PHACTR2: variants seen among roughly 807,000 people sequenced by gnomAD.
The protein encoded by PHACTR2 is chromosome 6 open reading frame 56.
Under a neutral mutation model 76.0 loss-of-function variants are expected in PHACTR2, and 30 were observed. The observed-to-expected ratio is 0.39, with a 90% CI of 0.30 to 0.54. The LOEUF (loss-of-function observed/expected upper bound fraction) is 0.54. PHACTR2 is among the 20% of genes least tolerant of loss of function. The pLI, the probability that PHACTR2 is intolerant of heterozygous loss-of-function variation, is 0.61. For synonymous variants in PHACTR2, 292 were observed against 292.5 expected, an observed-to-expected ratio of 1.00 and a Z score of 0.02; for missense variants, 696 against 781.1, an observed-to-expected ratio of 0.89 and a Z score of 1.30.
At chr6:143,740,284 T>A (rs1778910033) in intron 2 of PHACTR2, among the ~76,000 whole-genome samples, 1 of 152,070 alleles carries the variant, frequency 6.6e-6, no homozygotes. Flanking sequence ...TTTAGCTGGC[T>A]TCTTTATTGC....
chr6:143,780,195 C>T lies in PHACTR2; in HGVS notation c.1645+2812C>T, dbSNP rs1440593695. Among the ~76,000 whole-genome samples the T allele has an allele frequency of 6.6e-6, 1 of 151,884 alleles. No homozygotes were observed. Among genetic ancestry groups the T allele is most frequent in the Non-Finnish European group, 1.5e-5 (1 of 68,004 alleles). On this transcript the variant is annotated intron_variant, in intron 9 of 12. Transcript: ENST00000440869. The surrounding 1 kb of genome is among the most constrained non-coding windows in gnomAD (Gnocchi z 4.4). ...AGTTGGAGGAATTTTACAGTAAATC[C>T]GCATATATCTACCATCTATAGTCTG...
rs191088692 is a variant in PHACTR2 at position 143,633,531 on chromosome 6, T to C, written c.13+25209T>C. On this transcript the variant is annotated intron_variant, in intron 1 of 11. Coordinates refer to the PHACTR2 transcript ENST00000305766. This position sits in a 1 kb window ranked among gnomAD's most constrained non-coding sequence, Gnocchi z 4.1. ...ATTGTTGTGCTTGAAGAGTTTATAT[T>C]TTGGGTAACCATCATTTATCAGATA... is the stretch of plus-strand genomic sequence containing the variant. 6.6e-6 allele frequency among the ~76,000 whole-genome samples: 1 copy of C among 152,358 alleles called. No homozygotes were observed. The highest frequency in any genetic ancestry group is 2.4e-5 in the African/African-American group (1 of 41,592).
At position 143,739,172 on chromosome 6, in the gene PHACTR2, C is replaced by A. The variant is rs574552688; in HGVS notation, c.215-9813C>A. ...CTCCGCCTCCCGGGTTCACTCCGTT[C>A]TCCTGCCTCAGCCTCCCAAGTAGCT... On this transcript the variant is annotated intron_variant, in intron 2 of 12. Transcript: ENST00000440869. This position sits in a 1 kb window ranked among gnomAD's most constrained non-coding sequence, Gnocchi z 4.3. Among the ~76,000 whole-genome samples, 20 of 152,320 alleles carry A rather than the reference C, an allele frequency of 1.3e-4. No homozygotes were observed. Among genetic ancestry groups the A allele is most frequent in the African/African-American group, 4.6e-4 (19 of 41,564 alleles).
chr6:143,720,598 C>T (rs569125585), intron 2 of PHACTR2, among the ~76,000 whole-genome samples: 3 of 152,192 alleles, frequency 2.0e-5, no homozygotes, highest in African/African-American at 7.2e-5. Flanking sequence ...ATTCACGAAC[C>T]TCATGGTTGT....
intron 1 of PHACTR2, among the ~76,000 whole-genome samples, chr6:143,707,319 A>G (rs528720070): frequency 3.3e-5 from 5 of 152,348 alleles, no homozygotes; most frequent in Non-Finnish European, 5.9e-5. Context: ...TATTTTTGCT[A>G]TGATTGGGCT....
Position 143,710,705 on chromosome 6 carries a change from A to T in PHACTR2, c.47-1311A>T, listed in dbSNP as rs1164745122. Among the ~76,000 whole-genome samples the T allele has an allele frequency of 1.3e-5, 2 of 152,238 alleles. No individual in the cohort carries two copies. Among genetic ancestry groups the T allele is most frequent in the Non-Finnish European group, 2.9e-5 (2 of 68,040 alleles). ...GAGCAAGACTCTATCTCAAAAAGAA[A>T]AAGTAAGTCTGTTTCATCTTCTTGG... is the stretch of plus-strand genomic sequence containing the variant. On this transcript the variant is annotated intron_variant, in intron 1 of 12. Transcript: ENST00000440869. This position sits in a 1 kb window ranked among gnomAD's most constrained non-coding sequence, Gnocchi z 4.9.
rs73001515 is a variant in PHACTR2 at position 143,584,863 on chromosome 6, C to G, written c.217+47656C>G. Among the ~76,000 whole-genome samples, 1,341 of 151,804 alleles carry G rather than the reference C, an allele frequency of 8.8e-3. 13 individuals carry two copies. The highest frequency in any genetic ancestry group is 0.013 in the Admixed American group (199 of 15,242). ...AATGGGCAGGTAATAAAGATTAGGACTCGGGCACCAGGGAGGAGAAGAACA... is the reference window on the plus strand; with the variant it reads ...AATGGGCAGGTAATAAAGATTAGGAGTCGGGCACCAGGGAGGAGAAGAACA... On this transcript the variant is annotated intron_variant, in intron 1 of 11. Transcript: ENST00000367584.
Position 143,738,226 on chromosome 6 carries a change from C to T in PHACTR2, c.215-10759C>T, listed in dbSNP as rs1778863535. 6.6e-6 allele frequency among the ~76,000 whole-genome samples: 1 copy of T among 152,018 alleles called. No individual in the cohort carries two copies. The highest frequency in any genetic ancestry group is 1.5e-5 in the Non-Finnish European group (1 of 68,012). Reference sequence around the variant, plus strand: ...GGAGTTCGAAACCAGTGGGGGGCGCCTGTAATCCCAGCTACTCAGGAGGCT... The same window carrying T: ...GGAGTTCGAAACCAGTGGGGGGCGCTTGTAATCCCAGCTACTCAGGAGGCT... On this transcript the variant is annotated intron_variant, in intron 2 of 12. Coordinates refer to ENST00000440869, the MANE Select transcript of PHACTR2 (RefSeq NM_001100164.2). This position sits in a 1 kb window ranked among gnomAD's most constrained non-coding sequence, Gnocchi z 4.0.
rs1258383755 is a variant in PHACTR2, at chr6:143,648,764, C to G, written c.13+40442C>G. ...CCAGGATGTGCACGTGTGTGTGTCTCTGTGTGTGTGTGGGCATGTGTCTCT... is the reference window on the plus strand; with the variant it reads ...CCAGGATGTGCACGTGTGTGTGTCTGTGTGTGTGTGTGGGCATGTGTCTCT... On this transcript the variant is annotated intron_variant, in intron 1 of 11. Transcript: ENST00000305766. The surrounding 1 kb of genome is among the most constrained non-coding windows in gnomAD (Gnocchi z 6.7). 6.6e-6 allele frequency among the ~76,000 whole-genome samples: 1 copy of G among 151,540 alleles called. No individual in the cohort carries two copies. Among genetic ancestry groups the G allele is most frequent in the East Asian group, 1.9e-4 (1 of 5,172 alleles).
rs1778998706 is a variant in PHACTR2 at position 143,743,940 on chromosome 6, C to T, written c.215-5045C>T. 6.6e-6 allele frequency among the ~76,000 whole-genome samples: 1 copy of T among 152,204 alleles called. No homozygotes were observed. On this transcript the variant is annotated intron_variant, in intron 2 of 12. Transcript: ENST00000440869. The surrounding 1 kb of genome is among the most constrained non-coding windows in gnomAD (Gnocchi z 5.0). ...TTTCCAGAGTAATATGAAATCCCAG[C>T]CAAGTATCCGCAGAAAAAAGCCAGC...
intron 2 of PHACTR2, among the ~76,000 whole-genome samples, chr6:143,721,332 C>T (rs1015506): frequency 0.57 from 87,371 of 152,112 alleles, 25,683 homozygotes; most frequent in African/African-American, 0.69. Flanking sequence ...TGAGTTTAAC[C>T]CATAATACGC....
intron 1 of PHACTR2, among the ~76,000 whole-genome samples, chr6:143,681,470 C>A (rs961993894): frequency 2.6e-5 from 4 of 151,412 alleles, no homozygotes; most frequent in Admixed American, 2.0e-4. Context: ...AGTTTTAGTT[C>A]TTTGTATACT....
chr6:143,593,812 C>G (rs535597777), intron 1 of PHACTR2, among the ~76,000 whole-genome samples: 1 of 152,186 alleles, frequency 6.6e-6, no homozygotes, highest in Non-Finnish European at 1.5e-5. Flanking sequence ...ACACCTTCCT[C>G]TATGTTATCT....
chr6:143,682,294 T>C (rs76339356), intron 1 of PHACTR2, among the ~76,000 whole-genome samples: 172 of 152,352 alleles, frequency 1.1e-3, no homozygotes, highest in Non-Finnish European at 2.2e-3. Context: ...GCTTATCCAC[T>C]GCACCCTCAA....
In PHACTR2 at chr6:143,625,704, T is replaced by C. The variant is rs533063268; in HGVS notation, c.13+17382T>C. 1.3e-5 allele frequency among the ~76,000 whole-genome samples: 2 copies of C among 152,362 alleles called. No individual in the cohort carries two copies. The highest frequency in any genetic ancestry group is 3.9e-4 in the East Asian group (2 of 5,186). ...AGTTGAAAGACATATTTAGCAAATA[T>C]GAATTGAGTGCCTACTGGGTCAGGC... On this transcript the variant is annotated intron_variant, in intron 1 of 11. Transcript: ENST00000305766. The surrounding 1 kb of genome is among the most constrained non-coding windows in gnomAD (Gnocchi z 4.3).
At position 143,648,663 on chromosome 6, in the gene PHACTR2, G is replaced by A. The variant is rs73778646; in HGVS notation, c.13+40341G>A. 0.018 allele frequency among the ~76,000 whole-genome samples: 2,698 copies of A among 152,230 alleles called. 81 individuals carry two copies. Among genetic ancestry groups the A allele is most frequent in the African/African-American group, 0.06 (2,485 of 41,514 alleles). The stretch of plus-strand genomic sequence containing the variant: ...CTGAAGCACTGATACTGTAAATGTG[G>A]CATGCTAGCATAGGGGAAAGTGTAA... On this transcript the variant is annotated intron_variant, in intron 1 of 11. Coordinates refer to the PHACTR2 transcript ENST00000305766. The surrounding 1 kb of genome is among the most constrained non-coding windows in gnomAD (Gnocchi z 6.7).
At chr6:143,634,874 C>T (rs146920555) in intron 1 of PHACTR2, among the ~76,000 whole-genome samples, 4 of 151,988 alleles carry the variant, frequency 2.6e-5, no homozygotes, top group East Asian at 1.9e-4. Flanking sequence ...ATTAGTGGGG[C>T]GTCACAAATT....
rs1778873451 is a variant in PHACTR2, at chr6:143,738,715, A to C, written c.215-10270A>C. 6.6e-6 allele frequency among the ~76,000 whole-genome samples: 1 copy of C among 151,826 alleles called. No homozygotes were observed. The highest frequency in any genetic ancestry group is 2.4e-5 in the African/African-American group (1 of 41,324). On this transcript the variant is annotated intron_variant, in intron 2 of 12. Coordinates refer to ENST00000440869, the MANE Select transcript of PHACTR2 (RefSeq NM_001100164.2). The surrounding 1 kb of genome is among the most constrained non-coding windows in gnomAD (Gnocchi z 4.0). ...AGGCTGCAGTGAGCCAAGATCGTGC[A>C]ACTGTACTCCAGCCTGGGTGATAGA...
In PHACTR2 at chr6:143,556,332, A is replaced by G. The variant is rs1316363884; in HGVS notation, c.217+19125A>G. 1.3e-5 allele frequency among the ~76,000 whole-genome samples: 2 copies of G among 152,248 alleles called. No individual in the cohort carries two copies. Among genetic ancestry groups the G allele is most frequent in the Non-Finnish European group, 2.9e-5 (2 of 68,042 alleles). ...TCTCCAATGCTCCTGCGTGCCAGGC[A>G]CAAGGCGTGGGCCAGGAGAGTGAAT... On this transcript the variant is annotated intron_variant, in intron 1 of 11. Transcript: ENST00000367584. The surrounding 1 kb of genome is among the most constrained non-coding windows in gnomAD (Gnocchi z 4.3).
Sources: allele counts gnomAD v4.1 joint callset (sites outside exome capture counted in the v4.1 genomes callset), GRCh38; gene constraint gnomAD v4.1.1; non-coding constraint Gnocchi (gnomAD v3.1); transcripts MANE v1.5; gene names NCBI Gene and HGNC (gene_info 2026-07-23, HGNC 2026-07-21).